The following PPP6R2 variants were observed in gnomAD, a reference collection of about 807,000 sequenced individuals.
The protein encoded by PPP6R2 is protein phosphatase 6 regulatory subunit 2.
In PPP6R2, 62 loss-of-function variants were observed where a neutral mutation model predicts 100.2. The ratio of observed to expected loss-of-function variants is 0.62; its 90% CI spans 0.50 to 0.76. PPP6R2 has a LOEUF of 0.76. Ranked by LOEUF, PPP6R2 falls within the 30% of genes least tolerant of loss-of-function variation. The pLI is 0.00. For missense variants in PPP6R2, 1,142 were observed against 1,276.3 expected (o/e 0.89, Z 1.60); for synonymous variants, 525 against 514.7 (o/e 1.02, Z -0.27).
At chr22:50,438,552 G>A (rs1206328670) in intron 18 of PPP6R2, 47 bp from the exon 19 acceptor site, 7 of 1,598,970 alleles carry the variant, frequency 4.4e-6, no homozygotes, top group South Asian at 1.1e-5. Flanking sequence ...CTCCATGTTA[G>A]GCGTCCGTCC....
chr22:50,358,254 C>G (rs1043963737), intron 1 of PPP6R2, among the ~76,000 whole-genome samples: 1 of 152,170 alleles, frequency 6.6e-6, no homozygotes, highest in Non-Finnish European at 1.5e-5. Flanking sequence ...GTGTACCCAG[C>G]TCCTGTTTGT....
chr22:50,436,394 G>A lies in PPP6R2; in HGVS notation c.1544G>A (p.Trp515Ter), dbSNP rs1175464133. Residue 515 changes from tryptophan (W) to a stop codon, truncating the protein, a stop_gained, in exon 14 of 24, where the codon TGG (tryptophan) becomes TAG (stop). Transcript: ENST00000612753. LOFTEE classifies it high-confidence loss of function. ...CTCCCTGCGGACTGCCGTGGCCGCTGGGAGAGCTTCGTGGAGGAGACGCTG... is the reference window on the plus strand; with the variant it reads ...CTCCCTGCGGACTGCCGTGGCCGCTAGGAGAGCTTCGTGGAGGAGACGCTG... Reference protein sequence around the residue: ...RGLPADCRGRWESFVEETLTE... With the variant: ...RGLPADCRGR The A allele has an allele frequency of 6.3e-7, 1 of 1,588,670 alleles. No individual in the cohort carries two copies. The highest frequency in any genetic ancestry group is 8.6e-7 in the Non-Finnish European group (1 of 1,168,928).
At chr22:50,388,239 C>T (rs1408274029) in intron 2 of PPP6R2, among the ~76,000 whole-genome samples, 1 of 151,084 alleles carries the variant, frequency 6.6e-6, no homozygotes, top group Non-Finnish European at 1.5e-5. Context: ...AAAAAAAGTA[C>T]AAAAATTAGC....
intron 2 of PPP6R2, among the ~76,000 whole-genome samples, chr22:50,390,239 G>A (rs574354195): frequency 2.0e-5 from 3 of 151,938 alleles, no homozygotes; most frequent in Admixed American, 6.6e-5. Context: ...TGATCCACCC[G>A]CTTCATCCTC....
intron 6 of PPP6R2, 82 bp downstream of exon 6, chr22:50,416,239 A>AGG: frequency 8.0e-7 from 1 of 1,251,626 alleles, no homozygotes; most frequent in Non-Finnish European, 1.2e-6. Context: ...CCAGGGGGCG[A>AGG]GGGAGGGCAA....
intron 10 of PPP6R2, among the ~76,000 whole-genome samples, chr22:50,426,597 G>A (rs1345585185): frequency 1.3e-5 from 2 of 152,168 alleles, no homozygotes; most frequent in African/African-American, 4.8e-5. Flanking sequence ...TATTTTGGGA[G>A]GCCAAGGCAG....
intron 1 of PPP6R2, among the ~76,000 whole-genome samples, chr22:50,361,814 A>G (rs543586881): frequency 6.6e-6 from 1 of 152,148 alleles, no homozygotes; most frequent in Admixed American, 6.5e-5. Flanking sequence ...GTAGGTGCGG[A>G]CTAGGGCCTT....
chr22:50,414,410 T>G, intron 4 of PPP6R2, 142 bp from the exon 5 acceptor site: 1 of 745,286 alleles, frequency 1.3e-6, no homozygotes, highest in Non-Finnish European at 2.0e-6. Context: ...TGAGGGGGCT[T>G]TCTTACAATC....
chr22:50,440,801 C>T (rs1018353597), intron 21 of PPP6R2, 21 bp from the exon 22 acceptor site: 8 of 1,612,320 alleles, frequency 5.0e-6, no homozygotes, highest in Non-Finnish European at 6.8e-6. Flanking sequence ...CACTGGACAG[C>T]ACAGGCCTCC....
At chr22:50,342,977 G>A (rs1181933132), upstream of PPP6R2, among the ~76,000 whole-genome samples, 1 of 152,190 alleles carries the variant, frequency 6.6e-6, no homozygotes, top group African/African-American at 2.4e-5. Flanking sequence ...TGGGCCACGG[G>A]GGAAACCCCT....
At chr22:50,432,112 C>A (rs917624442) in intron 11 of PPP6R2, among the ~76,000 whole-genome samples, 153 bp from the exon 12 acceptor site, 2 of 152,122 alleles carry the variant, frequency 1.3e-5, no homozygotes, top group African/African-American at 4.8e-5. Context: ...GTGAGGACCG[C>A]GGAGGCTGGG....
chr22:50,399,020 G>A (rs12162889), intron 3 of PPP6R2, among the ~76,000 whole-genome samples: 16,401 of 152,138 alleles, frequency 0.11, 1,277 homozygotes, highest in East Asian at 0.41. Flanking sequence ...GGCTGAGGCG[G>A]GCGGATCATG....
the PPP6R2 span, among the ~76,000 whole-genome samples, chr22:50,337,946 GTGA>G: frequency 7.1e-6 from 1 of 140,504 alleles, no homozygotes; most frequent in Non-Finnish European, 1.6e-5. Context: ...GCATGTGTGT[GTGA>G]TGTGTGTGGT....
chr22:50,354,513 C>T (rs1291160844), intron 1 of PPP6R2, among the ~76,000 whole-genome samples: 1 of 151,802 alleles, frequency 6.6e-6, no homozygotes, highest in South Asian at 2.1e-4. Context: ...AAGTGAAGCA[C>T]TGGGAGTGGA....
chr22:50,360,276 C>T (rs1185383947), intron 1 of PPP6R2, among the ~76,000 whole-genome samples: 2 of 151,254 alleles, frequency 1.3e-5, no homozygotes, highest in Non-Finnish European at 2.9e-5. Flanking sequence ...TGGTCTTGAT[C>T]TCTTGACCTC....
Position 50,435,095 on chromosome 22 carries a change from C to T in PPP6R2, c.1516+14C>T, listed in dbSNP as rs773708257. On this transcript the variant is annotated intron_variant, in intron 13 of 23. Coordinates refer to ENST00000612753, the MANE Select transcript of PPP6R2 (RefSeq NM_001242898.2). ...AGGTCATCCGAGGTGAGCCCCCAAC[C>T]CGGTCATCCTTCTGCTGGTCGCGGG... The T allele has an allele frequency of 1.3e-6, 2 of 1,516,976 alleles. No homozygotes were observed. The highest frequency in any genetic ancestry group is 1.3e-5 in the South Asian group (1 of 78,778). The allele number at this position is 1,516,976 out of a possible 1,614,324, so 94.0% of individuals were successfully genotyped here.
chr22:50,370,555 G>C (rs1239340415), intron 1 of PPP6R2, among the ~76,000 whole-genome samples: 1 of 152,144 alleles, frequency 6.6e-6, no homozygotes, highest in African/African-American at 2.4e-5. Context: ...CCAAAGTGCT[G>C]GGATTACAGG....
chr22:50,401,649 CT>C (rs368734439), intron 3 of PPP6R2, among the ~76,000 whole-genome samples: 32 of 138,148 alleles, frequency 2.3e-4, no homozygotes, highest in Non-Finnish European at 1.6e-4. Context: ...TTTCTTTTTT[CT>C]TTTTTTTTTT....
intron 2 of PPP6R2, among the ~76,000 whole-genome samples, chr22:50,389,726 C>A (rs12159165): frequency 6.6e-6 from 1 of 151,224 alleles, no homozygotes; most frequent in Non-Finnish European, 1.5e-5. Flanking sequence ...AGCCTCCCGA[C>A]TAGCTGGGAT....
Sources: gnomAD v4.1 joint callset for allele counts (sites outside exome capture counted in the v4.1 genomes callset) on GRCh38, gnomAD v4.1.1 for gene constraint, MANE v1.5 for transcripts, NCBI Gene and HGNC (gene_info 2026-07-23, HGNC 2026-07-21) for gene names.